Variants in PARVB observed in about 807,000 individuals in gnomAD.
PARVB encodes parvin beta.
In PARVB, 46 loss-of-function variants were observed where a neutral mutation model predicts 47.0. The ratio of observed to expected loss-of-function variants is 0.98; its 90% CI spans 0.77 to 1.25. The LOEUF (loss-of-function observed/expected upper bound fraction) is 1.25. Ranked by LOEUF, PARVB falls within the 50% of genes most tolerant of loss-of-function variation. The pLI is 0.00. For missense variants in PARVB, 473 were observed against 471.6 expected (o/e 1.00, Z -0.03); for synonymous variants, 196 against 196.3 (o/e 1.00, Z 0.01).
chr22:44,043,502 C>T (rs1335068466), intron 1 of PARVB, among the ~76,000 whole-genome samples: 1 of 152,050 alleles, frequency 6.6e-6, no homozygotes, highest in Non-Finnish European at 1.5e-5. Context: ...CTTGGCCACC[C>T]GAGTAGCTGG....
intron 3 of PARVB, among the ~76,000 whole-genome samples, chr22:44,101,405 C>T (rs2052442181): frequency 7.2e-6 from 1 of 138,052 alleles, no homozygotes; most frequent in East Asian, 2.0e-4. Context: ...GAGGCTCCGT[C>T]TCAAAAAAAA....
intron 11 of PARVB, 91 bp from the exon 12 acceptor site, chr22:44,163,767 G>C: frequency 1.7e-6 from 2 of 1,146,392 alleles, no homozygotes; most frequent in Middle Eastern, 2.1e-4. Context: ...CAGAGGCTCG[G>C]TCCTGTCCAT....
intron 3 of PARVB, chr22:44,116,135 G>A (rs542371168): frequency 2.6e-5 from 4 of 152,478 alleles, no homozygotes; most frequent in Admixed American, 2.0e-4. Context: ...CAGTTTCTCA[G>A]ACTTTCCTTG....
At chr22:44,133,512 C>T (rs568164161) in intron 6 of PARVB, among the ~76,000 whole-genome samples, 7 of 152,342 alleles carry the variant, frequency 4.6e-5, no homozygotes, top group Non-Finnish European at 1.0e-4. Flanking sequence ...TTACCTTTCT[C>T]TTGCTATTTC....
intron 1 of PARVB, among the ~76,000 whole-genome samples, chr22:44,052,788 C>A (rs986766356): frequency 2.6e-5 from 4 of 152,090 alleles, no homozygotes; most frequent in Non-Finnish European, 5.9e-5. Context: ...ACAACAAATA[C>A]AAAAATTAGT....
intron 2 of PARVB, among the ~76,000 whole-genome samples, chr22:44,096,426 C>T (rs1255994411): frequency 6.6e-6 from 1 of 152,188 alleles, no homozygotes; most frequent in Non-Finnish European, 1.5e-5. Context: ...AACTCACTCA[C>T]TGAATATTTG....
At chr22:44,082,166 G>A (rs1481950957) in intron 1 of PARVB, among the ~76,000 whole-genome samples, 1 of 152,242 alleles carries the variant, frequency 6.6e-6, no homozygotes, top group Non-Finnish European at 1.5e-5. Context: ...TGCACCGCAA[G>A]GTGGGGGCAC....
At chr22:44,035,573 G>T (rs1339704658) in intron 1 of PARVB, among the ~76,000 whole-genome samples, 1 of 151,668 alleles carries the variant, frequency 6.6e-6, no homozygotes, top group African/African-American at 2.4e-5. Context: ...GGGTTTCACC[G>T]TGGTGGCCAG....
At chr22:44,149,922 G>A (rs5764099) in intron 9 of PARVB, 12,909 of 151,826 alleles carry the variant, frequency 0.085, 794 homozygotes, top group South Asian at 0.28. Flanking sequence ...TTGGAAGGCC[G>A]AGGTGGGTGG....
rs778581821 is a variant in PARVB, at chr22:44,094,065, G to A, written c.202+48G>A. 1.4e-5 allele frequency: 17 copies of A among 1,213,052 alleles called. No homozygotes were observed. The South Asian group carries it at 1.8e-4, about 13-fold the overall frequency. The allele number at this position is 1,213,052 out of a possible 1,614,324, so 75.1% of individuals were successfully genotyped here. ...TGCCCTGAGACAGTTGAGCTTCCGT[G>A]GCACTAAGTTGGTCTTGGGGAGGCC... On this transcript the variant is annotated intron_variant, in intron 2 of 12. Transcript: ENST00000338758.
chr22:44,001,110 C>G (rs1006119412), intron 2 of PARVB, among the ~76,000 whole-genome samples: 2 of 152,082 alleles, frequency 1.3e-5, no homozygotes, highest in African/African-American at 4.8e-5. Flanking sequence ...ATTAGCTGGG[C>G]GTGGTGGTGG....
At chr22:44,131,374 T>C in intron 4 of PARVB, 113 bp from the exon 5 acceptor site, 3 of 1,106,732 alleles carry the variant, frequency 2.7e-6, no homozygotes, top group Admixed American at 2.2e-5. Flanking sequence ...ACTCCTGGCC[T>C]GAAGTGATTC....
At chr22:44,117,953 G>C (rs2052948602) in intron 3 of PARVB, among the ~76,000 whole-genome samples, 1 of 152,204 alleles carries the variant, frequency 6.6e-6, no homozygotes, top group African/African-American at 2.4e-5. Context: ...TTTGGCGGGA[G>C]TCCTGTCTTT....
chr22:44,039,807 G>GACTTC (rs1308976263), intron 1 of PARVB: 4 of 453,166 alleles, frequency 8.8e-6, no homozygotes, highest in African/African-American at 8.0e-5. Context: ...CACACTGTGT[G>GACTTC]ATTTCATTTC....
chr22:44,076,704 G>A (rs538207029), intron 1 of PARVB, among the ~76,000 whole-genome samples: 7 of 152,200 alleles, frequency 4.6e-5, no homozygotes, highest in East Asian at 1.9e-4. Flanking sequence ...TCTGCCCACC[G>A]TGAGATAGAT....
rs1047763755 is a variant in PARVB at position 44,068,210 on chromosome 22, T to G, written c.113-25718T>G. On this transcript the variant is annotated intron_variant, in intron 1 of 12. Coordinates refer to ENST00000338758, the MANE Select transcript of PARVB (RefSeq NM_013327.5). The surrounding 1 kb of genome is among the most constrained non-coding windows in gnomAD (Gnocchi z 4.1). ...ACTGGTAATTGGAATAAATAAAAGC[T>G]AATCGTGCTTCCTGGATGCCAGGAA... Among the ~76,000 whole-genome samples the G allele has an allele frequency of 1.3e-5, 2 of 152,172 alleles. No homozygotes were observed. The highest frequency in any genetic ancestry group is 4.8e-5 in the African/African-American group (2 of 41,450).
At chr22:44,013,579 C>T (rs762653237) in intron 2 of PARVB, among the ~76,000 whole-genome samples, 2 of 152,206 alleles carry the variant, frequency 1.3e-5, no homozygotes, top group Non-Finnish European at 2.9e-5. Context: ...AGTCTGTGCT[C>T]TTTTGCATCT....
At chr22:44,126,580 C>T (rs2053190506) in intron 4 of PARVB, among the ~76,000 whole-genome samples, 1 of 152,138 alleles carries the variant, frequency 6.6e-6, no homozygotes, top group Non-Finnish European at 1.5e-5. Context: ...GTTTTTCTCT[C>T]TCTGAGTGGC....
chr22:44,053,941 CT>C (rs2051257823), intron 1 of PARVB, among the ~76,000 whole-genome samples: 1 of 152,212 alleles, frequency 6.6e-6, no homozygotes, highest in African/African-American at 2.4e-5. Flanking sequence ...TGGAAGCTCC[CT>C]GAATCCTGCC....
Sources: allele counts gnomAD v4.1 joint callset (sites outside exome capture counted in the v4.1 genomes callset), GRCh38; gene constraint gnomAD v4.1.1; non-coding constraint Gnocchi (gnomAD v3.1); transcripts MANE v1.5; gene names NCBI Gene and HGNC (gene_info 2026-07-23, HGNC 2026-07-21).